The following PDE6D variants were observed in gnomAD, a reference collection of about 807,000 sequenced individuals.
PDE6D encodes the protein phosphodiesterase 6D.
Under a neutral mutation model 21.9 loss-of-function variants are expected in PDE6D, and 10 were observed. The observed-to-expected ratio is 0.46, with a 90% CI of 0.28 to 0.78. The LOEUF is 0.78. Among genes scored for constraint, PDE6D ranks in the 30% least tolerant of loss-of-function variants. PDE6D has a pLI of 0.12. For missense variants in PDE6D, 139 were observed against 184.8 expected (o/e 0.75, Z 1.44); for synonymous variants, 59 against 63.5 (o/e 0.93, Z 0.34).
At chr2:231,753,032 C>T (rs1443679719) in intron 1 of PDE6D, among the ~76,000 whole-genome samples, 3 of 148,650 alleles carry the variant, frequency 2.0e-5, no homozygotes, top group Admixed American at 6.7e-5. Context: ...GGGGTTTCAC[C>T]GTGTTAGCCA....
rs138602308 is a variant in PDE6D at position 231,748,126 on chromosome 2, A to C, written c.51-8938T>G. Among the ~76,000 whole-genome samples, 331 of 152,330 alleles carry C rather than the reference A, an allele frequency of 2.2e-3. 5 individuals are homozygous for C. Among genetic ancestry groups the C allele is most frequent in the African/African-American group, 7.7e-3 (321 of 41,574 alleles). ...AAAAGATACCTGAAAATGTGGAAGC[A>C]ACTTTGAAACTGGGTAACAGGCAGA... On this transcript the variant is annotated intron_variant, in intron 1 of 4. Transcript: ENST00000287600.
At position 231,781,060 on chromosome 2, in the gene PDE6D, G is replaced by A; in HGVS notation, c.50+5C>T. 3 of 1,612,410 alleles carry A rather than the reference G, an allele frequency of 1.9e-6. No individual in the cohort carries two copies. The highest frequency in any genetic ancestry group is 2.5e-6 in the Non-Finnish European group (3 of 1,178,952). ...CCCGGCCCCGCCCCGCTCCCGGACG[G>A]ATACAGTTTGAAGCCCCTCAGGATC... On this transcript the variant is annotated splice_donor_5th_base_variant and intron_variant, in intron 1 of 4. Coordinates refer to ENST00000287600, the MANE Select transcript of PDE6D (RefSeq NM_002601.4).
intron 1 of PDE6D, among the ~76,000 whole-genome samples, chr2:231,776,487 CATT>C (rs2049058722): frequency 6.6e-6 from 1 of 152,088 alleles, no homozygotes; most frequent in Non-Finnish European, 1.5e-5. Context: ...ACACATTAAA[CATT>C]AGCTACATTA....
At chr2:231,749,770 G>A (rs745359716) in intron 1 of PDE6D, among the ~76,000 whole-genome samples, 9 of 152,252 alleles carry the variant, frequency 5.9e-5, no homozygotes, top group South Asian at 2.1e-4. Context: ...CTGACCTCAG[G>A]TGATCCAGCT....
intron 1 of PDE6D, among the ~76,000 whole-genome samples, chr2:231,741,639 A>AGGAGATTTATACAATTAGAG (rs2048750849): frequency 6.6e-6 from 1 of 152,252 alleles, no homozygotes; most frequent in Non-Finnish European, 1.5e-5. Context: ...TTATATGGAA[A>AGGAGATTTATACAATTAGAG]GGAGATTTAT....
At chr2:231,771,388 T>C (rs2049014652) in intron 1 of PDE6D, among the ~76,000 whole-genome samples, 1 of 152,238 alleles carries the variant, frequency 6.6e-6, no homozygotes, top group East Asian at 1.9e-4. Flanking sequence ...AAACAAGGCT[T>C]AAATTAAGGT....
chr2:231,766,743 A>G (rs2048973872), intron 1 of PDE6D, among the ~76,000 whole-genome samples: 1 of 152,166 alleles, frequency 6.6e-6, no homozygotes, highest in African/African-American at 2.4e-5. Flanking sequence ...CTATTATCCC[A>G]GTACTTTGGA....
intron 1 of PDE6D, among the ~76,000 whole-genome samples, chr2:231,778,018 A>G (rs761009105): frequency 1.3e-5 from 2 of 152,242 alleles, no homozygotes; most frequent in Non-Finnish European, 2.9e-5. Flanking sequence ...CTGTAATCCC[A>G]GCACTTTGGG....
intron 4 of PDE6D, among the ~76,000 whole-genome samples, chr2:231,734,229 A>C (rs550195971): frequency 9.9e-5 from 15 of 152,040 alleles, no homozygotes; most frequent in Non-Finnish European, 1.8e-4. Context: ...AAATAAAAAA[A>C]AATAAAAAAT....
chr2:231,768,971 C>T (rs981746924), intron 1 of PDE6D, among the ~76,000 whole-genome samples: 2 of 151,958 alleles, frequency 1.3e-5, no homozygotes, highest in African/African-American at 4.8e-5. Flanking sequence ...TGGGTTTAAG[C>T]GATTCTCCTG....
At chr2:231,735,562 T>C (rs2048692379) in intron 4 of PDE6D, among the ~76,000 whole-genome samples, 1 of 151,482 alleles carries the variant, frequency 6.6e-6, no homozygotes, top group Non-Finnish European at 1.5e-5. Flanking sequence ...CTTCCCAAAG[T>C]GCTGGGATTA....
intron 1 of PDE6D, among the ~76,000 whole-genome samples, chr2:231,743,494 G>A (rs1423544678): frequency 6.6e-6 from 1 of 151,386 alleles, no homozygotes; most frequent in African/African-American, 2.4e-5. Flanking sequence ...CAGAGTGCCT[G>A]CAATGTGATG....
chr2:231,772,176 T>G (rs904641566), intron 1 of PDE6D, among the ~76,000 whole-genome samples: 2 of 152,170 alleles, frequency 1.3e-5, no homozygotes, highest in African/African-American at 4.8e-5. Context: ...TCATATCTCT[T>G]GTCCAACTCT....
intron 4 of PDE6D, 111 bp downstream of exon 4, chr2:231,737,076 C>T: frequency 1.7e-6 from 1 of 591,702 alleles, no homozygotes; most frequent in Non-Finnish European, 3.0e-6. Flanking sequence ...TACTCTTTTA[C>T]TCTATTTCTC....
intron 1 of PDE6D, among the ~76,000 whole-genome samples, chr2:231,753,546 G>T (rs62197245): frequency 0.17 from 26,342 of 150,910 alleles, 2,728 homozygotes; most frequent in Non-Finnish European, 0.23. Flanking sequence ...GCAAGACCCT[G>T]TCTCAAAAAA....
intron 1 of PDE6D, among the ~76,000 whole-genome samples, chr2:231,765,854 C>T (rs2106282128): frequency 6.6e-6 from 1 of 152,274 alleles, no homozygotes; most frequent in Middle Eastern, 3.4e-3. Context: ...TCTCCCCTCT[C>T]AAACTCTCTC....
At chr2:231,741,669 G>A (rs2048751155) in intron 1 of PDE6D, among the ~76,000 whole-genome samples, 1 of 152,180 alleles carries the variant, frequency 6.6e-6, no homozygotes, top group South Asian at 2.1e-4. Context: ...GGGAGATTTT[G>A]GGGTCAAATT....
intron 4 of PDE6D, among the ~76,000 whole-genome samples, chr2:231,736,665 G>A (rs1478416333): frequency 2.0e-5 from 3 of 152,258 alleles, no homozygotes; most frequent in African/African-American, 7.2e-5. Context: ...TAGTATCCTC[G>A]AAAACAGAAT....
chr2:231,756,601 CTTT>C (rs78576087), intron 1 of PDE6D, among the ~76,000 whole-genome samples: 7 of 116,444 alleles, frequency 6.0e-5, no homozygotes, highest in Non-Finnish European at 1.2e-4. Flanking sequence ...CTAAACCTGG[CTTT>C]TTTTTTTTTT....
Sources: gnomAD v4.1 joint callset for allele counts (sites outside exome capture counted in the v4.1 genomes callset) on GRCh38, gnomAD v4.1.1 for gene constraint, MANE v1.5 for transcripts, NCBI Gene and HGNC (gene_info 2026-07-23, HGNC 2026-07-21) for gene names.